The following MTHFD1L variants were observed in gnomAD, a reference collection of about 807,000 sequenced individuals.
MTHFD1L encodes monofunctional C1-tetrahydrofolate synthase, mitochondrial.
In MTHFD1L, 81 loss-of-function variants were observed where a neutral mutation model predicts 119.5. The ratio of observed to expected loss-of-function variants is 0.68; its 90% CI spans 0.57 to 0.82. MTHFD1L has a LOEUF of 0.82. MTHFD1L is among the 40% of genes least tolerant of loss of function. MTHFD1L has a pLI of 0.00. For missense variants in MTHFD1L, 1,125 were observed against 1,253.4 expected, an observed-to-expected ratio of 0.90 and a Z score of 1.55; for synonymous variants, 430 against 475.2, an observed-to-expected ratio of 0.90 and a Z score of 1.24.
chr6:150,984,048 G>A (rs1189778585), intron 20 of MTHFD1L, among the ~76,000 whole-genome samples: 2 of 152,290 alleles, frequency 1.3e-5, no homozygotes, highest in South Asian at 4.2e-4. Context: ...TGGGATTACA[G>A]GCATGAACCA....
rs776796293 is a variant in MTHFD1L at position 150,945,536 on chromosome 6, C to G, written c.1618C>G (p.Leu540Val). Residue 540 changes from leucine to valine, a missense_variant, in exon 15 of 28, where the codon CTA (leucine) becomes GTA (valine). By Grantham distance (32) the Leu-to-Val change is conservative. This residue lies in a region of MTHFD1L where 1,058 missense variants were observed against 1,151.2 expected (regional missense o/e 0.92). Coordinates refer to ENST00000367321, the MANE Select transcript of MTHFD1L (RefSeq NM_015440.5). ...ATTTTCAGAAATTCAGCTTGCTCGG[C>G]TAAAAGTAAGTTTCCAGTTAGCAAT... ...REFSEIQLARLKKLGINKTDP... is the reference protein window; with the variant it reads ...REFSEIQLARVKKLGINKTDP... The G allele has an allele frequency of 4.3e-6, 7 of 1,613,744 alleles. No individual in the cohort carries two copies. The South Asian group carries it at 6.6e-5, about 15-fold the overall frequency.
At chr6:150,904,093 G>A (rs1254640663) in intron 7 of MTHFD1L, among the ~76,000 whole-genome samples, 1 of 152,108 alleles carries the variant, frequency 6.6e-6, no homozygotes, top group Non-Finnish European at 1.5e-5. Flanking sequence ...TTTCTAAAAG[G>A]CATCACCTGA....
At chr6:150,931,731 T>C (rs1791076836) in intron 11 of MTHFD1L, among the ~76,000 whole-genome samples, 1 of 152,254 alleles carries the variant, frequency 6.6e-6, no homozygotes, top group Admixed American at 6.5e-5. Flanking sequence ...TTCAAAGTTT[T>C]ACCACTTCTC....
chr6:150,932,955 G>A (rs11155759), intron 11 of MTHFD1L, among the ~76,000 whole-genome samples: 47,131 of 151,560 alleles, frequency 0.31, 8,784 homozygotes, highest in African/African-American at 0.52. Flanking sequence ...GTATATCCCC[G>A]TTGATGATTT....
chr6:150,950,860 G>T (rs1048030359), intron 16 of MTHFD1L, among the ~76,000 whole-genome samples: 1 of 151,936 alleles, frequency 6.6e-6, no homozygotes. Flanking sequence ...CTAGAGATGG[G>T]GTTTCACCAT....
At chr6:150,921,395 C>T (rs966612195) in intron 9 of MTHFD1L, among the ~76,000 whole-genome samples, 7 of 152,014 alleles carry the variant, frequency 4.6e-5, no homozygotes, top group Admixed American at 1.3e-4. Context: ...GGATTACAGG[C>T]GTGAGCCACT....
At position 150,944,485 on chromosome 6, in the gene MTHFD1L, G is replaced by A; in HGVS notation, c.1441-1G>A. ...AATAGAAAGATATCTTATTTCTCTAGTTCAACCTTCACTTGACTGGAGACA... is the reference window on the plus strand; with the variant it reads ...AATAGAAAGATATCTTATTTCTCTAATTCAACCTTCACTTGACTGGAGACA... On this transcript the variant is annotated splice_acceptor_variant, in intron 13 of 27. Transcript: ENST00000367321. LOFTEE classifies it high-confidence loss of function. 1 of 1,609,058 alleles carries A rather than the reference G, an allele frequency of 6.2e-7. No individual in the cohort carries two copies. Among genetic ancestry groups the A allele is most frequent in the Non-Finnish European group, 8.5e-7 (1 of 1,176,212 alleles).
chr6:150,906,003 AG>A (rs1416998690), intron 8 of MTHFD1L, among the ~76,000 whole-genome samples: 1 of 152,218 alleles, frequency 6.6e-6, no homozygotes, highest in East Asian at 1.9e-4. Flanking sequence ...TCTAGCAGTC[AG>A]GTCAGTTGTG....
At position 151,064,908 on chromosome 6, in the gene MTHFD1L, T is replaced by C. The variant is rs548908234; in HGVS notation, c.2848-27559T>C. ...ACCTCCACCTCCTGGGTTCAAGTGA[T>C]TCTCCTGCCTCAGCCTCCCCAAGTA... On this transcript the variant is annotated intron_variant, in intron 26 of 27. Transcript: ENST00000367321. 1.2e-4 allele frequency among the ~76,000 whole-genome samples: 18 copies of C among 152,246 alleles called. No individual in the cohort carries two copies. The East Asian group carries it at 3.3e-3, about 28-fold the overall frequency.
chr6:151,092,400 G>C (rs1794529619), intron 26 of MTHFD1L, 67 bp from the exon 27 acceptor site: 2 of 1,193,688 alleles, frequency 1.7e-6, no homozygotes, highest in Non-Finnish European at 1.2e-6. Context: ...GAGTTAATTT[G>C]CATCATCAGA....
intron 11 of MTHFD1L, among the ~76,000 whole-genome samples, chr6:150,934,086 T>C (rs184868270): frequency 4.6e-4 from 69 of 151,146 alleles, no homozygotes; most frequent in Admixed American, 1.1e-3. Flanking sequence ...GCTATAGTTA[T>C]GATTTCCATC....
intron 1 of MTHFD1L, among the ~76,000 whole-genome samples, chr6:150,873,536 C>T (rs549253954): frequency 6.6e-5 from 10 of 152,228 alleles, no homozygotes; most frequent in African/African-American, 2.2e-4. Flanking sequence ...GACTTGTCCA[C>T]GCTAGTAAAT....
chr6:150,928,740 C>T (rs1023071204), intron 11 of MTHFD1L, among the ~76,000 whole-genome samples: 1 of 151,916 alleles, frequency 6.6e-6, no homozygotes, highest in Admixed American at 6.6e-5. Context: ...GACGGGGTTT[C>T]GCCACATTAG....
intron 11 of MTHFD1L, among the ~76,000 whole-genome samples, chr6:150,935,930 A>G (rs1791975737): frequency 1.3e-5 from 2 of 152,240 alleles, no homozygotes; most frequent in Non-Finnish European, 2.9e-5. Context: ...CTAAAGAACA[A>G]TTTTATGAGG....
intron 4 of MTHFD1L, among the ~76,000 whole-genome samples, chr6:150,882,363 A>G (rs1050160293): frequency 3.9e-5 from 6 of 152,220 alleles, no homozygotes; most frequent in Admixed American, 1.3e-4. Context: ...CTTCAGATTC[A>G]TGCTTCCTGT....
chr6:150,909,731 G>A (rs1786540251), intron 8 of MTHFD1L, among the ~76,000 whole-genome samples: 1 of 152,206 alleles, frequency 6.6e-6, no homozygotes, highest in South Asian at 2.1e-4. Context: ...TATCAAAACA[G>A]CAACTCTGTG....
chr6:150,870,349 A>C (rs967042171), intron 1 of MTHFD1L, among the ~76,000 whole-genome samples: 6 of 152,148 alleles, frequency 3.9e-5, no homozygotes, highest in African/African-American at 7.2e-5. Flanking sequence ...GAGTAACCCC[A>C]AAAAATGAAA....
intron 20 of MTHFD1L, among the ~76,000 whole-genome samples, chr6:151,001,347 ATT>A (rs1395559473): frequency 6.6e-6 from 1 of 152,228 alleles, no homozygotes; most frequent in African/African-American, 2.4e-5. Flanking sequence ...ACATCCAGGT[ATT>A]TCAAGTAGAA....
In MTHFD1L at chr6:151,039,398, G is replaced by A. The variant is rs1318771012; in HGVS notation, c.2847+2281G>A. ...TAATGCAAATACCCTATGTTTTGACGTGGTAGTGATTCCATGGCTATATAC... is the reference window on the plus strand; with the variant it reads ...TAATGCAAATACCCTATGTTTTGACATGGTAGTGATTCCATGGCTATATAC... On this transcript the variant is annotated intron_variant, in intron 26 of 27. Coordinates refer to ENST00000367321, the MANE Select transcript of MTHFD1L (RefSeq NM_015440.5). This position sits in a 1 kb window ranked among gnomAD's most constrained non-coding sequence, Gnocchi z 4.4. Among the ~76,000 whole-genome samples the A allele has an allele frequency of 2.6e-5, 4 of 152,074 alleles. No individual in the cohort carries two copies. The highest frequency in any genetic ancestry group is 5.9e-5 in the Non-Finnish European group (4 of 68,028).
Sources: gnomAD v4.1 joint callset for allele counts (sites outside exome capture counted in the v4.1 genomes callset) on GRCh38, gnomAD v4.1.1 for gene constraint, gnomAD v4.1.1 regional missense constraint, Gnocchi (gnomAD v3.1) non-coding constraint, MANE v1.5 for transcripts, NCBI Gene and HGNC (gene_info 2026-07-23, HGNC 2026-07-21) for gene names.